The following ASB1 variants were observed in gnomAD, a reference collection of about 807,000 sequenced individuals.
The protein encoded by ASB1 is ankyrin repeat and SOCS box containing 1.
A neutral mutation model predicts 27.7 loss-of-function variants in ASB1; 18 were observed. That is an observed-to-expected ratio of 0.65 (90% CI 0.45 to 0.96). The LOEUF (loss-of-function observed/expected upper bound fraction) is 0.96, where lower values mean the gene tolerates loss of function less well. Among genes scored for constraint, ASB1 ranks in the 50% least tolerant of loss-of-function variants. The probability of loss-of-function intolerance (pLI) is 0.00; values close to 1 mark genes in which losing one functional copy is unlikely to be tolerated. For missense variants in ASB1, 397 were observed against 451.7 expected (o/e 0.88, Z 1.10); for synonymous variants, 189 against 187.6 (o/e 1.01, Z -0.06).
chr2:238,432,491 C>G (rs1173259826), intron 1 of ASB1, among the ~76,000 whole-genome samples: 2 of 152,142 alleles, frequency 1.3e-5, no homozygotes, highest in African/African-American at 2.4e-5. Context: ...GTCAAGTGCA[C>G]CTGTCTGAGG....
chr2:238,430,892 T>G (rs1701859370), intron 1 of ASB1, among the ~76,000 whole-genome samples: 1 of 152,226 alleles, frequency 6.6e-6, no homozygotes, highest in African/African-American at 2.4e-5. Flanking sequence ...GGGCTGAAAA[T>G]ATTCACTAAC....
In ASB1 at chr2:238,446,433, T is replaced by A; in HGVS notation, c.930T>A (p.Ala310=). 6.2e-7 allele frequency: 1 copy of A among 1,613,926 alleles called. No homozygotes were observed. Among genetic ancestry groups the A allele is most frequent in the Non-Finnish European group, 8.5e-7 (1 of 1,179,884 alleles). Residue 310 remains alanine (A), a synonymous_variant, in exon 5 of 5, where the codon GCT becomes GCA. Coordinates refer to ENST00000264607, the MANE Select transcript of ASB1 (RefSeq NM_001040445.3). ...TGTGCCGTGTGGCTGTGAGAAGAGC[T>A]CTTGGCAAACACCGGCTTCATCTGA... The part of the protein sequence containing the change: ...LCLCRVAVRR[A]LGKHRLHLIP...
chr2:238,429,896 C>T (rs1701833173), intron 1 of ASB1, among the ~76,000 whole-genome samples: 1 of 150,504 alleles, frequency 6.6e-6, no homozygotes, highest in South Asian at 2.1e-4. Flanking sequence ...CGAGATCACG[C>T]CACTGCACTC....
Position 238,435,812 on chromosome 2 carries a change from T to G in ASB1, c.293T>G (p.Ile98Ser). ...AGHGSCVDFL[I>S]RKGAEVDLVD... ...CATGGGAGCTGTGTGGACTTCCTCA[T>G]CCGGAAGGGGGCCGAGGTGGATCTG... Residue 98 changes from isoleucine to serine, a missense_variant, in exon 3 of 5, where the codon ATC becomes AGC. Coordinates refer to ENST00000264607, the MANE Select transcript of ASB1 (RefSeq NM_001040445.3). The G allele has an allele frequency of 6.2e-7, 1 of 1,614,148 alleles. No homozygotes were observed. Among genetic ancestry groups the G allele is most frequent in the Non-Finnish European group, 8.5e-7 (1 of 1,180,024 alleles).
At chr2:238,445,690 T>C (rs534601356) in intron 4 of ASB1, among the ~76,000 whole-genome samples, 1 of 152,330 alleles carries the variant, frequency 6.6e-6, no homozygotes, top group Non-Finnish European at 1.5e-5. Flanking sequence ...ACATCCAAGT[T>C]GATAACCTCT....
chr2:238,439,988 T>C (rs561852454), intron 3 of ASB1, among the ~76,000 whole-genome samples: 1 of 152,360 alleles, frequency 6.6e-6, no homozygotes, highest in African/African-American at 2.4e-5. Context: ...ATCCAATGAG[T>C]TATAATTCAT....
At chr2:238,446,303 C>T (rs891685736) in intron 4 of ASB1, 81 bp from the exon 5 acceptor site, 4 of 1,478,910 alleles carry the variant, frequency 2.7e-6, no homozygotes, top group African/African-American at 1.4e-5. Flanking sequence ...TTCTGGCTGG[C>T]AGTCCCAGCT....
chr2:238,446,389 C>G lies in ASB1; in HGVS notation c.886C>G (p.Pro296Ala), dbSNP rs1451385218. Residue 296 changes from proline (P) to alanine (A), a missense_variant, in exon 5 of 5, where the codon CCC becomes GCC. By Grantham distance (27) the Pro-to-Ala change is conservative. Coordinates refer to ENST00000264607, the MANE Select transcript of ASB1 (RefSeq NM_001040445.3). The part of the protein sequence containing the change: ...LQVFKEARSV[P>A]RTLLCLCRVA... ...TTTCTTCCCACGGCCTTCAGGTGTTCCCAGAACCTTGCTGTGTCTGTGCCG... is the reference window on the plus strand; with the variant it reads ...TTTCTTCCCACGGCCTTCAGGTGTTGCCAGAACCTTGCTGTGTCTGTGCCG... The G allele has an allele frequency of 6.2e-7, 1 of 1,605,736 alleles. No individual in the cohort carries two copies. Among genetic ancestry groups the G allele is most frequent in the Admixed American group, 1.7e-5 (1 of 59,240 alleles).
intron 3 of ASB1, 140 bp from the exon 4 acceptor site, chr2:238,444,202 C>A: frequency 1.2e-6 from 1 of 811,790 alleles, no homozygotes; most frequent in Non-Finnish European, 1.9e-6. Context: ...GCTATCTGAT[C>A]TGTGGAGTCT....
intron 3 of ASB1, among the ~76,000 whole-genome samples, chr2:238,441,655 C>T (rs1702080623): frequency 6.6e-6 from 1 of 152,216 alleles, no homozygotes. Context: ...ACAGCGACCC[C>T]CTCACTCCTT....
intron 3 of ASB1, among the ~76,000 whole-genome samples, chr2:238,441,749 T>G (rs1400598534): frequency 1.3e-5 from 2 of 152,270 alleles, no homozygotes; most frequent in Non-Finnish European, 2.9e-5. Context: ...GGTGGTTTAC[T>G]GTCTCCAGCT....
At position 238,444,533 on chromosome 2, in the gene ASB1, AG is replaced by A; in HGVS notation, c.689del (p.Gly230AspfsTer24). ...AACTGCAATGGTCCTGTCAACACAC[AG>A]GGATTCTACAGGGGCTCCCCTGGGT... Reference protein sequence around the residue: ...DFNCNGPVNTQGFYRGSPGCV... With the variant: ...DFNCNGPVNTXGFYRGSPGCV... On this transcript the variant is annotated frameshift_variant, in exon 4 of 5. Transcript: ENST00000264607. LOFTEE classifies it high-confidence loss of function. 6.2e-7 allele frequency: 1 copy of A among 1,614,210 alleles called. No individual in the cohort carries two copies. The highest frequency in any genetic ancestry group is 8.5e-7 in the Non-Finnish European group (1 of 1,180,046).
rs1380402775 is a variant in ASB1 at position 238,447,646 on chromosome 2, G to T, written c.*1135G>T. On this transcript the variant is annotated 3_prime_UTR_variant, in exon 5 of 5. Transcript: ENST00000264607. The stretch of plus-strand genomic sequence containing the variant: ...CTCAGAGCCCTCCCAGGTTGCTGCT[G>T]TTTCCAGTGAATCACATTTCGTCAT... 6.6e-6 allele frequency: 1 copy of T among 152,250 alleles called. No individual in the cohort carries two copies. The highest frequency in any genetic ancestry group is 2.4e-5 in the African/African-American group (1 of 41,454). The allele number at this position is 152,250 out of a possible 1,614,324, so 9.4% of individuals were successfully genotyped here.
At chr2:238,446,160 C>T (rs1288851115) in intron 4 of ASB1, among the ~76,000 whole-genome samples, 4 of 152,262 alleles carry the variant, frequency 2.6e-5, no homozygotes, top group Admixed American at 6.5e-5. Context: ...GGAAAGGTTT[C>T]GCTCTTTCCT....
At chr2:238,446,346 C>T in intron 4 of ASB1, 38 bp from the exon 5 acceptor site, 1 of 1,550,250 alleles carries the variant, frequency 6.5e-7, no homozygotes, top group Non-Finnish European at 8.7e-7. Flanking sequence ...ATAGAATGAA[C>T]CTTCCTCTAT....
At chr2:238,446,018 G>A (rs1445406517) in intron 4 of ASB1, among the ~76,000 whole-genome samples, 1 of 152,256 alleles carries the variant, frequency 6.6e-6, no homozygotes, top group African/African-American at 2.4e-5. Context: ...AAGGGAAGGG[G>A]CTGACAGAGG....
intron 4 of ASB1, among the ~76,000 whole-genome samples, chr2:238,445,926 G>C (rs1300689100): frequency 2.0e-5 from 3 of 152,184 alleles, no homozygotes; most frequent in African/African-American, 7.2e-5. Context: ...CTTTTCATTG[G>C]GGGCAAAGTC....
chr2:238,427,340 T>G (rs1701777563), intron 1 of ASB1: 1 of 377,540 alleles, frequency 2.6e-6, no homozygotes, highest in African/African-American at 2.1e-5. Context: ...TCGAGTGCAG[T>G]CCCCGCGCTA....
chr2:238,451,975 C>G lies in ASB1; in HGVS notation c.*5464C>G, dbSNP rs1329162303. The G allele has an allele frequency of 1.3e-5, 2 of 152,140 alleles. No individual in the cohort carries two copies. The allele number at this position is 152,140 out of a possible 1,614,324, so 9.4% of individuals were successfully genotyped here. ...CCAAATGTTGCCCAGGTTGAAACTC[C>G]CTGACAGCCTGTTCTACGTAGTGGC... On this transcript the variant is annotated 3_prime_UTR_variant, in exon 5 of 5. Transcript: ENST00000264607.
Sources: gnomAD v4.1 joint callset for allele counts (sites outside exome capture counted in the v4.1 genomes callset) on GRCh38, gnomAD v4.1.1 for gene constraint, MANE v1.5 for transcripts, NCBI Gene and HGNC (gene_info 2026-07-23, HGNC 2026-07-21) for gene names.